The following GARIN5B variants were observed in gnomAD, a reference collection of about 807,000 sequenced individuals.
GARIN5B encodes the protein golgi associated RAB2 interactor family member 5B.
At chr19:55,357,559 C>T in the GARIN5B span, among the ~76,000 whole-genome samples, 24 of 152,324 alleles carry the variant, frequency 1.6e-4, no homozygotes, top group African/African-American at 5.5e-4. Flanking sequence ...ACACAAACAA[C>T]CCCAGCTCCG....
the GARIN5B span, among the ~76,000 whole-genome samples, chr19:55,355,644 A>G: frequency 6.6e-6 from 1 of 152,178 alleles, no homozygotes; most frequent in South Asian, 2.1e-4. Context: ...TGCCTGGTTA[A>G]TATCAGGCCT....
At chr19:55,359,007 T>G in the GARIN5B span, 4 of 1,551,242 alleles carry the variant, frequency 2.6e-6, no homozygotes, top group Non-Finnish European at 3.5e-6. Context: ...AGGATGTCCT[T>G]GGACTCCTTC....
At chr19:55,358,873 C>A in the GARIN5B span, 3 of 1,548,668 alleles carry the variant, frequency 1.9e-6, no homozygotes, top group Middle Eastern at 1.7e-4. Flanking sequence ...GCTGCTCCAA[C>A]TCCTTGGATC....
the GARIN5B span, chr19:55,362,362 C>T: frequency 6.4e-7 from 1 of 1,550,570 alleles, no homozygotes; most frequent in African/African-American, 1.4e-5. Context: ...TGAGGCGGAC[C>T]CAGCAGTGGA....
chr19:55,358,741 C>G, the GARIN5B span: 1 of 1,549,452 alleles, frequency 6.5e-7, no homozygotes, highest in African/African-American at 1.4e-5. Context: ...TCGAGGGCTG[C>G]TCTTTGGAGT....
At chr19:55,360,654 GC>G in the GARIN5B span, 1 of 1,547,524 alleles carries the variant, frequency 6.5e-7, no homozygotes, top group East Asian at 2.4e-5. Flanking sequence ...TCCTCCCTCA[GC>G]TCTGGGGCCT....
chr19:55,362,850 C>A, the GARIN5B span: 5 of 1,468,296 alleles, frequency 3.4e-6, no homozygotes, highest in Admixed American at 7.5e-5. Context: ...CTCTCAAGAT[C>A]CCCCAGCACG....
At chr19:55,361,287 G>A in the GARIN5B span, 471 of 1,546,056 alleles carry the variant, frequency 3.0e-4, 2 homozygotes, top group African/African-American at 5.8e-3. Context: ...GGGAGGGCAC[G>A]AGGACCTACC....
chr19:55,358,313 C>T, the GARIN5B span: 1 of 1,542,594 alleles, frequency 6.5e-7, no homozygotes, highest in African/African-American at 1.4e-5. Flanking sequence ...CTGCGACACC[C>T]TCTTGGGCTG....
At chr19:55,359,005 C>T in the GARIN5B span, 5 of 1,551,120 alleles carry the variant, frequency 3.2e-6, no homozygotes, top group Non-Finnish European at 4.4e-6. Flanking sequence ...TCAGGATGTC[C>T]TTGGACTCCT....
chr19:55,360,826 G>A, the GARIN5B span: 1 of 1,550,462 alleles, frequency 6.4e-7, no homozygotes, highest in Non-Finnish European at 8.7e-7. Flanking sequence ...ACACACTGTG[G>A]CAAGGGGTGG....
chr19:55,359,603 A>C, the GARIN5B span: 1 of 1,551,098 alleles, frequency 6.4e-7, no homozygotes, highest in South Asian at 1.2e-5. Context: ...TACAGCTGGG[A>C]GCTTCTGGGA....
At chr19:55,358,422 G>C in the GARIN5B span, 6 of 1,509,014 alleles carry the variant, frequency 4.0e-6, no homozygotes, top group East Asian at 1.5e-4. Flanking sequence ...AGGGGGATAG[G>C]CGCCTGGGAG....
chr19:55,356,934 C>T, the GARIN5B span, among the ~76,000 whole-genome samples: 24 of 152,016 alleles, frequency 1.6e-4, no homozygotes, highest in Non-Finnish European at 4.4e-5. Flanking sequence ...ACCTATAATC[C>T]CAGCTACTCG....
chr19:55,362,575 C>G, the GARIN5B span: 1 of 1,537,774 alleles, frequency 6.5e-7, no homozygotes, highest in Non-Finnish European at 8.8e-7. Context: ...GGGGATGCGG[C>G]ACCTGGTCAG....
chr19:55,361,045 G>A, the GARIN5B span: 22 of 1,550,774 alleles, frequency 1.4e-5, no homozygotes, highest in East Asian at 9.8e-5. Flanking sequence ...CTCCAGCTGC[G>A]ACCAGATGAG....
chr19:55,360,628 C>A, the GARIN5B span: 2 of 1,524,858 alleles, frequency 1.3e-6, no homozygotes, highest in Non-Finnish European at 1.8e-6. Context: ...ACCCAGGAGT[C>A]CAGGCCTCCA....
chr19:55,361,151 C>T, the GARIN5B span: 3 of 1,551,082 alleles, frequency 1.9e-6, no homozygotes, highest in African/African-American at 1.4e-5. Flanking sequence ...GCCCCTTGGG[C>T]CCACACCACC....
the GARIN5B span, among the ~76,000 whole-genome samples, chr19:55,355,876 C>T: frequency 2.0e-5 from 3 of 151,860 alleles, no homozygotes; most frequent in East Asian, 5.8e-4. Context: ...GTTCCAGCTA[C>T]TGAGGAGGCT....
Sources: allele counts gnomAD v4.1 joint callset (sites outside exome capture counted in the v4.1 genomes callset), GRCh38; gene constraint gnomAD v4.1.1; transcripts MANE v1.5; gene names NCBI Gene and HGNC (gene_info 2026-07-23, HGNC 2026-07-21).